Variants in FDX1 observed in about 807,000 individuals in gnomAD.
FDX1 encodes adrenodoxin, mitochondrial.
A neutral mutation model predicts 14.9 loss-of-function variants in FDX1; 9 were observed. The observed-to-expected ratio is 0.60, with a 90% confidence interval of 0.36 to 1.05. The LOEUF (loss-of-function observed/expected upper bound fraction) is 1.05, where lower values mean the gene tolerates loss of function less well. Among genes scored for constraint, FDX1 ranks in the 50% least tolerant of loss-of-function variants. The probability of loss-of-function intolerance (pLI) is 0.01; values close to 1 mark genes in which losing one functional copy is unlikely to be tolerated. For synonymous variants in FDX1, 92 were observed against 99.4 expected, an observed-to-expected ratio of 0.93 and a Z score of 0.44; for missense variants, 204 against 237.2, an observed-to-expected ratio of 0.86 and a Z score of 0.92.
intron 2 of FDX1, among the ~76,000 whole-genome samples, chr11:110,438,589 C>T (rs1053791497): frequency 1.2e-4 from 19 of 152,086 alleles, no homozygotes; most frequent in African/African-American, 4.3e-4. Flanking sequence ...CCACGGCTAG[C>T]AAATTTTTAT....
chr11:110,430,991 T>C (rs1565378241), intron 1 of FDX1, among the ~76,000 whole-genome samples: 1 of 152,206 alleles, frequency 6.6e-6, no homozygotes, highest in African/African-American at 2.4e-5. Context: ...AAGTTGGATA[T>C]AATAACAGTG....
In FDX1 at chr11:110,462,750, A is replaced by G. The variant is rs977648372; in HGVS notation, c.*282A>G. The G allele has an allele frequency of 4.2e-6, 1 of 236,296 alleles. No individual in the cohort carries two copies. The highest frequency in any genetic ancestry group is 8.5e-6 in the Non-Finnish European group (1 of 118,228). The allele number at this position is 236,296 out of a possible 1,614,324, so 14.6% of individuals were successfully genotyped here. The stretch of plus-strand genomic sequence containing the variant: ...ATGTTTGTTTAGCGACTTTAGCAAA[A>G]TGTTTTCATATAATCTCATCTGTTT... On this transcript the variant is annotated 3_prime_UTR_variant, in exon 4 of 4. Coordinates refer to ENST00000260270, the MANE Select transcript of FDX1 (RefSeq NM_004109.5).
chr11:110,449,009 A>AT (rs764561590), intron 2 of FDX1, among the ~76,000 whole-genome samples: 80 of 152,346 alleles, frequency 5.3e-4, no homozygotes, highest in Non-Finnish European at 1.0e-3. Context: ...TGGTGATGAT[A>AT]TTTTAAACTG....
At chr11:110,450,766 T>A (rs916822042) in intron 2 of FDX1, among the ~76,000 whole-genome samples, 22 of 152,216 alleles carry the variant, frequency 1.4e-4, no homozygotes, top group African/African-American at 4.8e-4. Context: ...GCATTTCTCA[T>A]AAAACATCAC....
intron 2 of FDX1, among the ~76,000 whole-genome samples, chr11:110,438,743 A>G (rs10891107): frequency 0.28 from 42,750 of 152,112 alleles, 6,111 homozygotes; most frequent in East Asian, 0.37. Context: ...CTGGGATTAC[A>G]GGCGTGAGCC....
intron 2 of FDX1, among the ~76,000 whole-genome samples, chr11:110,446,644 G>A (rs182674565): frequency 3.3e-5 from 5 of 152,208 alleles, no homozygotes; most frequent in Admixed American, 1.3e-4. Context: ...ACCTGAAACC[G>A]TAGAGCACCA....
chr11:110,435,593 A>G (rs1946362993), intron 1 of FDX1, among the ~76,000 whole-genome samples: 1 of 152,190 alleles, frequency 6.6e-6, no homozygotes, highest in Admixed American at 6.5e-5. Flanking sequence ...CAGGCCTGTA[A>G]TCTCAGAGTT....
chr11:110,459,543 C>T (rs770336725), intron 3 of FDX1, among the ~76,000 whole-genome samples: 8 of 152,182 alleles, frequency 5.3e-5, no homozygotes, highest in Non-Finnish European at 1.0e-4. Context: ...GTGTTGGGCC[C>T]CAAAGCCTTT....
chr11:110,444,902 C>T (rs576619410), intron 2 of FDX1, among the ~76,000 whole-genome samples: 56 of 151,368 alleles, frequency 3.7e-4, no homozygotes, highest in South Asian at 3.3e-3. Context: ...ACGACCGACC[C>T]GCCCTGAATC....
chr11:110,461,565 A>G (rs1382031282), intron 3 of FDX1, among the ~76,000 whole-genome samples: 1 of 151,970 alleles, frequency 6.6e-6, no homozygotes, highest in East Asian at 1.9e-4. Flanking sequence ...TGCAAAAAAA[A>G]AAGGAAATTA....
intron 2 of FDX1, among the ~76,000 whole-genome samples, chr11:110,453,668 A>AC (rs1946501536): frequency 6.6e-6 from 1 of 152,060 alleles, no homozygotes; most frequent in Non-Finnish European, 1.5e-5. Context: ...CAAACTCTAG[A>AC]AAACTACTCA....
rs368668727 is a variant in FDX1 at position 110,430,536 on chromosome 11, C to T, written c.185+231C>T. ...CCGCAGAGTTCCTTTCCGCATCACCCACTCCCGGCGGGAATCGGGGACCCT... is the reference window on the plus strand; with the variant it reads ...CCGCAGAGTTCCTTTCCGCATCACCTACTCCCGGCGGGAATCGGGGACCCT... On this transcript the variant is annotated intron_variant, in intron 1 of 3. Transcript: ENST00000260270. Among the ~76,000 whole-genome samples the T allele has an allele frequency of 3.9e-5, 6 of 152,328 alleles. No individual in the cohort carries two copies. The East Asian group carries it at 7.7e-4, about 20-fold the overall frequency.
chr11:110,437,999 T>C (rs1946381768), intron 2 of FDX1, among the ~76,000 whole-genome samples: 1 of 152,260 alleles, frequency 6.6e-6, no homozygotes, highest in Non-Finnish European at 1.5e-5. Context: ...CCGTGGTATA[T>C]GTGTATTACA....
At chr11:110,435,759 T>C (rs755903344) in intron 1 of FDX1, 75 bp from the exon 2 acceptor site, 2 of 1,218,268 alleles carry the variant, frequency 1.6e-6, no homozygotes, top group Non-Finnish European at 2.3e-6. Context: ...GGAGGCCTTA[T>C]AGGCTTTTAA....
intron 3 of FDX1, 37 bp downstream of exon 3, chr11:110,457,084 C>T: frequency 6.3e-7 from 1 of 1,582,648 alleles, no homozygotes; most frequent in Non-Finnish European, 8.7e-7. Flanking sequence ...TAATAATAAT[C>T]TGGGAACATA....
At chr11:110,447,281 A>C (rs946838081) in intron 2 of FDX1, among the ~76,000 whole-genome samples, 9 of 75,792 alleles carry the variant, frequency 1.2e-4, no homozygotes, top group Admixed American at 6.3e-4. Context: ...TACAAAAAAA[A>C]AAAAAAAAAA....
chr11:110,459,350 A>G lies in FDX1; in HGVS notation c.440+2303A>G, dbSNP rs905110267. On this transcript the variant is annotated intron_variant, in intron 3 of 3. Coordinates refer to ENST00000260270, the MANE Select transcript of FDX1 (RefSeq NM_004109.5). ...AATGGTAGTTGTTAGCATTGTAACTACCATCATATCGACTTATCTATTGGG... is the reference window on the plus strand; with the variant it reads ...AATGGTAGTTGTTAGCATTGTAACTGCCATCATATCGACTTATCTATTGGG... 9.2e-5 allele frequency among the ~76,000 whole-genome samples: 14 copies of G among 152,228 alleles called. No individual in the cohort carries two copies. The East Asian group carries it at 1.2e-3, about 13-fold the overall frequency.
intron 2 of FDX1, among the ~76,000 whole-genome samples, chr11:110,445,665 GC>G (rs1404161328): frequency 1.3e-5 from 2 of 152,296 alleles, no homozygotes; most frequent in Middle Eastern, 3.4e-3. Flanking sequence ...AGAATGTCCT[GC>G]CTGGGCTTCT....
chr11:110,454,236 AT>A (rs1946507318), intron 2 of FDX1, among the ~76,000 whole-genome samples: 1 of 152,226 alleles, frequency 6.6e-6, no homozygotes, highest in Non-Finnish European at 1.5e-5. Flanking sequence ...AGCCATGAAA[AT>A]TTAAATAAGA....
Sources: gnomAD v4.1 joint callset for allele counts (sites outside exome capture counted in the v4.1 genomes callset) on GRCh38, gnomAD v4.1.1 for gene constraint, MANE v1.5 for transcripts, NCBI Gene and HGNC (gene_info 2026-07-23, HGNC 2026-07-21) for gene names.